Variants in TRABD2B observed in about 807,000 individuals in gnomAD.
TRABD2B encodes the protein metalloprotease TIKI2.
Under a neutral mutation model 40.1 loss-of-function variants are expected in TRABD2B, and 14 were observed. That is an observed-to-expected ratio of 0.35 (90% CI 0.23 to 0.55). TRABD2B has a LOEUF of 0.55. TRABD2B is among the 20% of genes least tolerant of loss of function. The pLI, the probability that TRABD2B is intolerant of heterozygous loss-of-function variation, is 0.90. For missense variants in TRABD2B, 541 were observed against 648.6 expected, an observed-to-expected ratio of 0.83 and a Z score of 1.80; for synonymous variants, 263 against 277.0, an observed-to-expected ratio of 0.95 and a Z score of 0.50.
At chr1:47,967,649 A>G (rs1161047006) in intron 2 of TRABD2B, among the ~76,000 whole-genome samples, 3 of 152,250 alleles carry the variant, frequency 2.0e-5, no homozygotes, top group Admixed American at 6.5e-5. Context: ...GACTCTGTTA[A>G]GAGAGATAGA....
At chr1:47,932,552 A>G (rs1049493580) in intron 2 of TRABD2B, among the ~76,000 whole-genome samples, 3 of 152,176 alleles carry the variant, frequency 2.0e-5, no homozygotes, top group South Asian at 2.1e-4. Context: ...CTCCTGAGTG[A>G]TCAGGAGAGA....
chr1:47,796,671 A>G (rs1644752681), intron 3 of TRABD2B, among the ~76,000 whole-genome samples: 1 of 152,238 alleles, frequency 6.6e-6, no homozygotes, highest in African/African-American at 2.4e-5. Flanking sequence ...TGGGATGAAC[A>G]AGACAATAAT....
At chr1:47,882,089 G>A (rs1379654589) in intron 2 of TRABD2B, among the ~76,000 whole-genome samples, 1 of 152,250 alleles carries the variant, frequency 6.6e-6, no homozygotes, top group Admixed American at 6.5e-5. Context: ...TCTGCAGCAA[G>A]CAGGCAGGCA....
Position 47,996,779 on chromosome 1 carries a change from G to A in TRABD2B, c.11C>T (p.Ala4Val). Reference protein sequence around the residue: MHAALAGPLLAALL... With the variant: MHAVLAGPLLAALL... ...GGCGGCGAGCAGCGGCCCCGCCAGG[G>A]CGGCGTGCATCCTGCCAGGGCCCGC... The change falls in exon 1 of 7, where the codon GCC (alanine) becomes GTC (valine). Residue 4 changes from alanine to valine, a missense_variant. Ala to Val is a moderately conservative substitution (Grantham distance 64). Coordinates refer to ENST00000606738, the MANE Select transcript of TRABD2B (RefSeq NM_001194986.2). This position sits in a 1 kb window ranked among gnomAD's most constrained non-coding sequence, Gnocchi z 4.6. 8.3e-7 allele frequency: 1 copy of A among 1,208,648 alleles called. No individual in the cohort carries two copies. Among genetic ancestry groups the A allele is most frequent in the Non-Finnish European group, 1.0e-6 (1 of 972,712 alleles). 74.9% of individuals were successfully genotyped at this position (1,208,648 alleles called of 1,614,324 possible). A position where few individuals can be genotyped will look rare whatever the true frequency, so the allele number is the denominator to read the frequency against.
At chr1:47,837,152 C>T (rs571911600) in intron 2 of TRABD2B, among the ~76,000 whole-genome samples, 8 of 152,194 alleles carry the variant, frequency 5.3e-5, no homozygotes, top group Non-Finnish European at 1.2e-4. Flanking sequence ...GCTCAGGAAG[C>T]CAGGGCTGGG....
intron 2 of TRABD2B, among the ~76,000 whole-genome samples, chr1:47,909,559 AAGGAGGAGG>A (rs71056647): frequency 0.22 from 25,579 of 117,174 alleles, 3,092 homozygotes; most frequent in East Asian, 0.34. Context: ...AAGAAGGAAG[AAGGAGGAGG>A]AGGAGGAGGA....
At chr1:47,951,267 C>A (rs1645340121) in intron 2 of TRABD2B, among the ~76,000 whole-genome samples, 1 of 152,214 alleles carries the variant, frequency 6.6e-6, no homozygotes. Flanking sequence ...TGAAACCCAA[C>A]CAAGGGGCCA....
intron 2 of TRABD2B, among the ~76,000 whole-genome samples, chr1:47,912,350 C>G (rs1221347414): frequency 2.0e-5 from 3 of 152,154 alleles, no homozygotes; most frequent in African/African-American, 7.2e-5. Flanking sequence ...AATTACCTTC[C>G]AAAGCAAAGC....
rs149260288 is a variant in TRABD2B at position 47,974,673 on chromosome 1, T to A, written c.666+19361A>T. On this transcript the variant is annotated intron_variant, in intron 2 of 6. Transcript: ENST00000606738. ...AGACTGAGCCTTCAAAACGCACTTG[T>A]TAACGACAGAGCAGTTAACTCCCCA... 1.9e-3 allele frequency among the ~76,000 whole-genome samples: 294 copies of A among 152,334 alleles called. 2 individuals carry two copies. Among genetic ancestry groups the A allele is most frequent in the African/African-American group, 6.3e-3 (261 of 41,576 alleles).
intron 6 of TRABD2B, among the ~76,000 whole-genome samples, chr1:47,767,264 A>G (rs913474408): frequency 2.6e-5 from 4 of 152,204 alleles, no homozygotes; most frequent in Non-Finnish European, 4.4e-5. Flanking sequence ...AGAGATGCAG[A>G]TGCAGACAGA....
At chr1:47,835,125 T>A (rs1645301319) in intron 2 of TRABD2B, among the ~76,000 whole-genome samples, 1 of 152,156 alleles carries the variant, frequency 6.6e-6, no homozygotes, top group Admixed American at 6.5e-5. Context: ...AACATTCACA[T>A]ATTGTATAGT....
At chr1:47,873,174 T>C (rs1644169348) in intron 2 of TRABD2B, among the ~76,000 whole-genome samples, 1 of 152,164 alleles carries the variant, frequency 6.6e-6, no homozygotes, top group Non-Finnish European at 1.5e-5. Context: ...CCTCATGACC[T>C]AATTGCCTCC....
chr1:47,944,136 G>A (rs1048022311), intron 2 of TRABD2B, among the ~76,000 whole-genome samples: 1 of 152,192 alleles, frequency 6.6e-6, no homozygotes. Context: ...GATGCTGCAG[G>A]ACACGGGAGT....
intron 5 of TRABD2B, among the ~76,000 whole-genome samples, chr1:47,778,135 C>T (rs1569902015): frequency 6.6e-6 from 1 of 152,158 alleles, no homozygotes; most frequent in East Asian, 1.9e-4. Context: ...GCCAGGGCAG[C>T]CACAGTCTTC....
chr1:47,961,962 C>T (rs1395453425), intron 2 of TRABD2B, among the ~76,000 whole-genome samples: 3 of 152,136 alleles, frequency 2.0e-5, no homozygotes, highest in Non-Finnish European at 2.9e-5. Context: ...TGGAACCAAC[C>T]CAAATGTCCA....
chr1:47,921,945 T>C (rs1479132934), intron 2 of TRABD2B, among the ~76,000 whole-genome samples: 3 of 152,162 alleles, frequency 2.0e-5, no homozygotes, highest in Non-Finnish European at 4.4e-5. Context: ...GAAAAGTAGG[T>C]CTGTGATCCC....
In TRABD2B at chr1:47,991,632, CA is replaced by C. The variant is rs1422200668; in HGVS notation, c.666+2401del. Among the ~76,000 whole-genome samples the C allele has an allele frequency of 5.9e-5, 9 of 152,174 alleles. No individual in the cohort carries two copies. In the East Asian group the frequency reaches 1.7e-3, roughly 29 times the overall value. On this transcript the variant is annotated intron_variant, in intron 2 of 6. Coordinates refer to ENST00000606738, the MANE Select transcript of TRABD2B (RefSeq NM_001194986.2). Reference sequence around the variant, plus strand: ...GGTTATTTCTGTCCAGAAAAAAATACAAAAATTTTAAAAACAACATTAATAC... The same window carrying C: ...GGTTATTTCTGTCCAGAAAAAAATACAAAATTTTAAAAACAACATTAATAC...
Position 47,898,964 on chromosome 1 carries a change from C to T in TRABD2B, c.666+95070G>A, listed in dbSNP as rs1054897371. Among the ~76,000 whole-genome samples, 7 of 152,172 alleles carry T rather than the reference C, an allele frequency of 4.6e-5. No individual in the cohort carries two copies. The South Asian group carries it at 1.2e-3, about 27-fold the overall frequency. On this transcript the variant is annotated intron_variant, in intron 2 of 6. Transcript: ENST00000606738. Reference sequence around the variant, plus strand: ...ACTCATTCATTCATTCATTCATTCACGCATTCAGTCTTCACGGCCTTCACC... The same window carrying T: ...ACTCATTCATTCATTCATTCATTCATGCATTCAGTCTTCACGGCCTTCACC...
intron 2 of TRABD2B, among the ~76,000 whole-genome samples, chr1:47,939,066 C>T (rs1385237941): frequency 1.3e-5 from 2 of 152,040 alleles, no homozygotes; most frequent in South Asian, 2.1e-4. Context: ...CCTGGGATAA[C>T]GGTGATGAGG....
Sources: allele counts gnomAD v4.1 joint callset (sites outside exome capture counted in the v4.1 genomes callset), GRCh38; gene constraint gnomAD v4.1.1; non-coding constraint Gnocchi (gnomAD v3.1); transcripts MANE v1.5; gene names NCBI Gene and HGNC (gene_info 2026-07-23, HGNC 2026-07-21).